The following BLTP1 variants were observed in gnomAD, a reference collection of about 807,000 sequenced individuals.
BLTP1 encodes the protein fragile site-associated protein.
the BLTP1 span, chr4:122,257,605 T>C: frequency 1.0e-6 from 1 of 965,268 alleles, no homozygotes. Context: ...ATGCATCTTT[T>C]ATCAGTAAGT....
the BLTP1 span, among the ~76,000 whole-genome samples, chr4:122,162,160 A>G: frequency 6.6e-6 from 1 of 152,236 alleles, no homozygotes; most frequent in African/African-American, 2.4e-5. Flanking sequence ...TTTAAGCCCA[A>G]TAAATATTTA....
chr4:122,200,448 C>CGCAT, the BLTP1 span: 13 of 537,300 alleles, frequency 2.4e-5, no homozygotes, highest in Non-Finnish European at 3.1e-5. Context: ...TGTGATGGCG[C>CGCAT]GCATGCCTGT....
chr4:122,345,601 G>C, the BLTP1 span, among the ~76,000 whole-genome samples: 1 of 151,176 alleles, frequency 6.6e-6, no homozygotes, highest in African/African-American at 2.4e-5. Context: ...ATTGTGGAGG[G>C]ACTCATATCA....
the BLTP1 span, chr4:122,194,481 ATT>A: frequency 1.2e-6 from 1 of 811,290 alleles, no homozygotes; most frequent in African/African-American, 1.9e-5. Flanking sequence ...GTCATGCTAT[ATT>A]TGACATATAG....
chr4:122,223,978 C>A, the BLTP1 span: 5 of 975,336 alleles, frequency 5.1e-6, no homozygotes, highest in Non-Finnish European at 6.1e-6. Flanking sequence ...ATACGTGCTG[C>A]TTTTTAGTAG....
the BLTP1 span, chr4:122,245,292 G>A: frequency 1.7e-6 from 1 of 585,256 alleles, no homozygotes; most frequent in Non-Finnish European, 3.0e-6. Flanking sequence ...GTAAAAGATA[G>A]GACATATAAC....
chr4:122,167,817 C>A, the BLTP1 span: 1 of 985,398 alleles, frequency 1.0e-6, no homozygotes, highest in Non-Finnish European at 1.2e-6. Context: ...CTTTACTCTG[C>A]TTCACCTTGC....
chr4:122,154,611 C>T, the BLTP1 span, among the ~76,000 whole-genome samples: 1 of 152,140 alleles, frequency 6.6e-6, no homozygotes. Context: ...CGGTGGCTCA[C>T]GCCTGTAATC....
the BLTP1 span, chr4:122,154,100 G>GA: frequency 1.0e-6 from 1 of 972,984 alleles, no homozygotes; most frequent in Admixed American, 6.8e-5. Context: ...GCAAACTCTG[G>GA]AAAAAAACTT....
the BLTP1 span, chr4:122,261,754 C>T: frequency 1.0e-6 from 1 of 978,352 alleles, no homozygotes; most frequent in Non-Finnish European, 1.2e-6. Context: ...AATATCTTAC[C>T]TTGGAGAACT....
chr4:122,234,356 C>T, the BLTP1 span: 1 of 159,160 alleles, frequency 6.3e-6, no homozygotes, highest in African/African-American at 2.4e-5. Flanking sequence ...GAAATAGGCC[C>T]TGAGATGCTA....
the BLTP1 span, chr4:122,227,775 A>G: frequency 1.3e-5 from 2 of 152,010 alleles, no homozygotes; most frequent in African/African-American, 4.8e-5. Context: ...TTATAAACAC[A>G]TTTCCAGGCT....
the BLTP1 span, chr4:122,240,247 A>G: frequency 6.2e-7 from 1 of 1,614,096 alleles, no homozygotes; most frequent in Non-Finnish European, 8.5e-7. Flanking sequence ...CACCCAACCA[A>G]CAAAAGAACC....
At chr4:122,281,890 T>TA in the BLTP1 span, 7 of 1,311,760 alleles carry the variant, frequency 5.3e-6, no homozygotes, top group Non-Finnish European at 6.9e-6. Context: ...ATTTTGATTA[T>TA]AACATTTAAA....
the BLTP1 span, chr4:122,299,770 G>A: frequency 1.0e-6 from 1 of 982,966 alleles, no homozygotes; most frequent in Non-Finnish European, 1.2e-6. Context: ...GTATATGGCT[G>A]TAGGTAGGGT....
the BLTP1 span, among the ~76,000 whole-genome samples, chr4:122,275,026 A>G: frequency 6.6e-6 from 1 of 152,090 alleles, no homozygotes; most frequent in African/African-American, 2.4e-5. Context: ...AGACTGTCTG[A>G]GGTTCGGTTT....
At chr4:122,234,694 TTATC>T in the BLTP1 span, 12 of 1,385,096 alleles carry the variant, frequency 8.7e-6, no homozygotes, top group East Asian at 2.4e-5. Flanking sequence ...TTATATTTAA[TTATC>T]TATCAAAAAG....
At chr4:122,334,503 A>C in the BLTP1 span, 1 of 1,612,724 alleles carries the variant, frequency 6.2e-7, no homozygotes, top group Non-Finnish European at 8.5e-7. Flanking sequence ...CCAGAGCAAG[A>C]CTAACACCTT....
At chr4:122,206,412 C>A in the BLTP1 span, among the ~76,000 whole-genome samples, 1 of 151,894 alleles carries the variant, frequency 6.6e-6, no homozygotes, top group Non-Finnish European at 1.5e-5. Flanking sequence ...GTCAAGCATA[C>A]CTTTCCGGTA....
Sources: allele counts gnomAD v4.1 joint callset (sites outside exome capture counted in the v4.1 genomes callset), GRCh38; gene constraint gnomAD v4.1.1; transcripts MANE v1.5; gene names NCBI Gene and HGNC (gene_info 2026-07-23, HGNC 2026-07-21).